Variants in MEGF9 observed in about 807,000 individuals in gnomAD.
MEGF9 encodes the protein multiple EGF like domains 9, also known as multiple epidermal growth factor-like domains protein 9.
In MEGF9, 6 loss-of-function variants were observed where a neutral mutation model predicts 46.8. That is an observed-to-expected ratio of 0.13 (90% CI 0.07 to 0.25). The LOEUF is 0.25. Among genes scored for constraint, MEGF9 ranks in the 10% least tolerant of loss-of-function variants. The pLI is 1.00. For synonymous variants in MEGF9, 302 were observed against 330.7 expected (o/e 0.91, Z 0.94); for missense variants, 683 against 792.4 (o/e 0.86, Z 1.66).
chr9:120,660,162 A>G lies in MEGF9; in HGVS notation c.602-587T>C, dbSNP rs145388834. On this transcript the variant is annotated intron_variant, in intron 1 of 5. Coordinates refer to ENST00000373930, the MANE Select transcript of MEGF9 (RefSeq NM_001080497.3). ...TTTCCCAAATTAAAATATTTGGAAA[A>G]TAAACATTTCTTTTAAGTATATTTC... 1.6e-4 allele frequency among the ~76,000 whole-genome samples: 25 copies of G among 152,292 alleles called. No homozygotes were observed. In the East Asian group the frequency reaches 4.8e-3, roughly 29 times the overall value.
intron 4 of MEGF9, among the ~76,000 whole-genome samples, chr9:120,610,780 G>C (rs969712979): frequency 1.3e-5 from 2 of 152,042 alleles, no homozygotes; most frequent in Non-Finnish European, 2.9e-5. Context: ...GGTAACATTT[G>C]AATTGGGCCT....
At chr9:120,647,266 G>C (rs2043630124) in intron 2 of MEGF9, among the ~76,000 whole-genome samples, 1 of 151,274 alleles carries the variant, frequency 6.6e-6, no homozygotes, top group African/African-American at 2.4e-5. Context: ...AAAAAACATA[G>C]AGCTTTCCAG....
chr9:120,694,023 T>A (rs192092930), intron 1 of MEGF9, among the ~76,000 whole-genome samples: 1 of 152,156 alleles, frequency 6.6e-6, no homozygotes, highest in East Asian at 1.9e-4. Flanking sequence ...CTCCAAAGAA[T>A]CAGGAGAAAA....
chr9:120,654,248 A>G (rs560883528), intron 2 of MEGF9, among the ~76,000 whole-genome samples: 3 of 152,250 alleles, frequency 2.0e-5, no homozygotes, highest in African/African-American at 7.2e-5. Context: ...ATAATATAAA[A>G]CCATGTGTTA....
In MEGF9 at chr9:120,612,416, G is replaced by T. The variant is rs1310038010; in HGVS notation, c.1067C>A (p.Ser356Tyr). The T allele has an allele frequency of 1.9e-6, 3 of 1,612,458 alleles. No homozygotes were observed. The highest frequency in any genetic ancestry group is 1.3e-5 in the African/African-American group (1 of 74,802). The change falls in exon 4 of 6, where the codon TCT (serine) becomes TAT (tyrosine). Residue 356 changes from serine to tyrosine, a missense_variant. Physicochemically the swap from Ser to Tyr is moderately radical, Grantham distance 144. Transcript: ENST00000373930. ...CTTACTTATAGAGCAGCTGCCTGTAGATGTCACTGCTGAACAAGGGCAGCG... is the reference window on the plus strand; with the variant it reads ...CTTACTTATAGAGCAGCTGCCTGTATATGTCACTGCTGAACAAGGGCAGCG... ...CLRCPCSAVT[S>Y]TGSCSIKSSE...
rs1402937489 is a variant in MEGF9 at position 120,601,302 on chromosome 9, G to A, written c.*3888C>T. 1.3e-5 allele frequency: 2 copies of A among 152,124 alleles called. No individual in the cohort carries two copies. Among genetic ancestry groups the A allele is most frequent in the Non-Finnish European group, 2.9e-5 (2 of 68,020 alleles). 9.4% of individuals were successfully genotyped at this position (152,124 alleles called of 1,614,324 possible). On this transcript the variant is annotated 3_prime_UTR_variant, in exon 6 of 6. Transcript: ENST00000373930. ...ACATAGCCCAAAATATAGGAACCAG[G>A]GATGTTCATTATAAGTGGTGTTATG...
intron 1 of MEGF9, among the ~76,000 whole-genome samples, chr9:120,704,972 T>C (rs1200097804): frequency 3.3e-5 from 5 of 151,952 alleles, no homozygotes; most frequent in Middle Eastern, 3.4e-3. Flanking sequence ...TTGCTACTTA[T>C]TCAAAGTTCT....
chr9:120,714,285 G>A lies in MEGF9; in HGVS notation c.74C>T (p.Ala25Val). ...GGCGACGGCGGCGGCGGCGGCGGCG[G>A]CGGCGCAGCACAACAGGGCGAGGCC... ...LGGLALLCCA[A>V]AAAAAAVASA... The change falls in exon 1 of 6, where the codon GCC (alanine) becomes GTC (valine). Residue 25 changes from alanine to valine, a missense_variant. Ala to Val is a moderately conservative substitution (Grantham distance 64). This residue lies in a region of MEGF9 where 370 missense variants were observed against 371.3 expected (regional missense o/e 1.00). Transcript: ENST00000373930. The A allele has an allele frequency of 9.4e-7, 1 of 1,066,034 alleles. No individual in the cohort carries two copies. The allele number at this position is 1,066,034 out of a possible 1,614,324, so 66.0% of individuals were successfully genotyped here.
At chr9:120,683,710 T>C (rs929126569) in intron 1 of MEGF9, among the ~76,000 whole-genome samples, 16 of 152,164 alleles carry the variant, frequency 1.1e-4, no homozygotes, top group African/African-American at 3.6e-4. Context: ...CTGGGCAACA[T>C]GGTAAAACTC....
At chr9:120,713,640 GC>G (rs756743812) in intron 1 of MEGF9, 117 bp downstream of exon 1, 61 of 1,223,440 alleles carry the variant, frequency 5.0e-5, no homozygotes, top group Non-Finnish European at 6.0e-5. Flanking sequence ...CCCCTCGGGA[GC>G]CGGAACCTGG....
intron 1 of MEGF9, chr9:120,690,053 A>G (rs1415662067): frequency 6.2e-6 from 3 of 485,600 alleles, no homozygotes; most frequent in Non-Finnish European, 8.6e-6. Context: ...GCCCACTCAG[A>G]TATTTTCCAA....
chr9:120,675,134 A>C (rs1037153844), intron 1 of MEGF9, among the ~76,000 whole-genome samples: 2 of 152,226 alleles, frequency 1.3e-5, no homozygotes, highest in African/African-American at 4.8e-5. Flanking sequence ...GAGTTCACAC[A>C]TAAGTGTAAC....
chr9:120,691,817 AC>A (rs1436341538), intron 1 of MEGF9, among the ~76,000 whole-genome samples: 2 of 152,178 alleles, frequency 1.3e-5, no homozygotes, highest in Non-Finnish European at 2.9e-5. Flanking sequence ...GCTGAACATT[AC>A]CGGTTTGGGT....
intron 3 of MEGF9, among the ~76,000 whole-genome samples, chr9:120,620,954 C>T (rs1377969320): frequency 6.6e-6 from 1 of 152,084 alleles, no homozygotes; most frequent in East Asian, 1.9e-4. Context: ...CTTTTGACTT[C>T]AAGTATTTTG....
At chr9:120,639,449 A>C (rs2043592565) in intron 2 of MEGF9, among the ~76,000 whole-genome samples, 1 of 150,678 alleles carries the variant, frequency 6.6e-6, no homozygotes. Flanking sequence ...CAGAGGTTGC[A>C]ATGAGCCGAG....
intron 2 of MEGF9, among the ~76,000 whole-genome samples, chr9:120,645,931 G>GCATA (rs1205635544): frequency 6.6e-6 from 1 of 152,170 alleles, no homozygotes; most frequent in Non-Finnish European, 1.5e-5. Flanking sequence ...AATTGCTGGA[G>GCATA]CATAGGAAAG....
intron 4 of MEGF9, among the ~76,000 whole-genome samples, chr9:120,611,515 C>G (rs1016108835): frequency 6.6e-6 from 1 of 152,028 alleles, no homozygotes; most frequent in African/African-American, 2.4e-5. Flanking sequence ...TGAATGACTT[C>G]ATTTGTATGA....
intron 3 of MEGF9, among the ~76,000 whole-genome samples, chr9:120,615,245 T>A (rs1485795071): frequency 6.7e-6 from 1 of 148,816 alleles, no homozygotes; most frequent in East Asian, 2.0e-4. Flanking sequence ...TTTTCAAAAA[T>A]AATAATAATA....
In MEGF9 at chr9:120,659,575, T is replaced by A. The variant is rs2043692877; in HGVS notation, c.602A>T (p.Glu201Val). Residue 201 changes from glutamate (E) to valine (V), a missense_variant and splice_region_variant, in exon 2 of 6, where the codon GAG becomes GTG. Physicochemically the swap from Glu to Val is moderately radical, Grantham distance 121. This residue lies in a region of MEGF9 where 370 missense variants were observed against 371.3 expected (regional missense o/e 1.00). Coordinates refer to ENST00000373930, the MANE Select transcript of MEGF9 (RefSeq NM_001080497.3). ...ATEAPSSPPP[E>V]YVCNCSVVGS... ...AACCACAGAGCAGTTACATACATAC[T>A]CTGCAAAGGAAAGAAGGAAAGAGAC... 1.3e-6 allele frequency: 2 copies of A among 1,598,790 alleles called. No homozygotes were observed. Among genetic ancestry groups the A allele is most frequent in the Admixed American group, 1.7e-5 (1 of 58,364 alleles).
Sources: gnomAD v4.1 joint callset for allele counts (sites outside exome capture counted in the v4.1 genomes callset) on GRCh38, gnomAD v4.1.1 for gene constraint, gnomAD v4.1.1 regional missense constraint, MANE v1.5 for transcripts, NCBI Gene and HGNC (gene_info 2026-07-23, HGNC 2026-07-21) for gene names.